SAE1: variants seen among roughly 807,000 people sequenced by gnomAD.
SAE1 encodes SUMO1 activating enzyme subunit 1, also known as SUMO-activating enzyme subunit 1.
SAE1 carries 11 observed loss-of-function variants against 40.6 expected under a neutral mutation model. The ratio of observed to expected loss-of-function variants is 0.27; its 90% CI spans 0.17 to 0.45. SAE1 has a LOEUF of 0.45. SAE1 is among the 20% of genes least tolerant of loss of function. The probability of loss-of-function intolerance (pLI) is 1.00; values close to 1 mark genes in which losing one functional copy is unlikely to be tolerated. For synonymous variants in SAE1, 155 were observed against 154.3 expected, an observed-to-expected ratio of 1.00 and a Z score of -0.03; for missense variants, 373 against 427.3, an observed-to-expected ratio of 0.87 and a Z score of 1.12.
intron 3 of SAE1, 93 bp from the exon 4 acceptor site, chr19:47,152,805 C>T (rs1262444184): frequency 2.4e-6 from 3 of 1,268,200 alleles, no homozygotes; most frequent in African/African-American, 3.0e-5. Flanking sequence ...TGAGCATGCC[C>T]AGAGAGACTG....
chr19:47,179,211 A>G (rs1392332708), intron 6 of SAE1, among the ~76,000 whole-genome samples: 1 of 150,550 alleles, frequency 6.6e-6, no homozygotes, highest in African/African-American at 2.4e-5. Flanking sequence ...AAAAAAAAGA[A>G]AGAAAAATCT....
chr19:47,174,759 G>A (rs1355796309), intron 6 of SAE1, among the ~76,000 whole-genome samples: 2 of 151,876 alleles, frequency 1.3e-5, no homozygotes, highest in Non-Finnish European at 2.9e-5. Flanking sequence ...ATTTTTAGTA[G>A]AGACGGGGTT....
At chr19:47,161,395 G>A (rs76568906) in intron 5 of SAE1, among the ~76,000 whole-genome samples, 2,524 of 152,030 alleles carry the variant, frequency 0.017, 57 homozygotes, top group African/African-American at 0.058. Flanking sequence ...AACACTATCC[G>A]CCTTAAAAAC....
intron 5 of SAE1, among the ~76,000 whole-genome samples, chr19:47,158,966 C>CT (rs953561896): frequency 1.3e-5 from 2 of 152,124 alleles, no homozygotes; most frequent in African/African-American, 4.8e-5. Context: ...TCTGGAAAAC[C>CT]TTTAGGATAA....
At chr19:47,158,170 G>A (rs2058335531) in intron 5 of SAE1, among the ~76,000 whole-genome samples, 1 of 152,088 alleles carries the variant, frequency 6.6e-6, no homozygotes, top group South Asian at 2.1e-4. Flanking sequence ...GCTTTCCCTA[G>A]GTTTAACCAA....
intron 1 of SAE1, among the ~76,000 whole-genome samples, chr19:47,139,695 TCTC>T (rs984308419): frequency 4.0e-5 from 6 of 149,662 alleles, no homozygotes; most frequent in Non-Finnish European, 8.9e-5. Context: ...TTCACACCAT[TCTC>T]CTGTCTCAGC....
chr19:47,199,942 T>C (rs190154902), intron 7 of SAE1, among the ~76,000 whole-genome samples: 106 of 152,042 alleles, frequency 7.0e-4, no homozygotes, highest in South Asian at 3.7e-3. Context: ...GGCTTTTTTT[T>C]TTTTTGGAGA....
At chr19:47,191,871 C>T (rs1347320702) in intron 6 of SAE1, among the ~76,000 whole-genome samples, 7 of 151,854 alleles carry the variant, frequency 4.6e-5, no homozygotes, top group South Asian at 2.1e-4. Flanking sequence ...CTGGCTAACA[C>T]GGTGAAACCC....
At chr19:47,147,594 A>T (rs1362820833) in intron 2 of SAE1, among the ~76,000 whole-genome samples, 2 of 151,146 alleles carry the variant, frequency 1.3e-5, no homozygotes, top group African/African-American at 4.9e-5. Context: ...CTAGGATTAC[A>T]GGCGTGTGCC....
At chr19:47,163,251 CAA>C (rs78034057) in intron 5 of SAE1, among the ~76,000 whole-genome samples, 9 of 111,088 alleles carry the variant, frequency 8.1e-5, no homozygotes, top group Admixed American at 3.8e-4. Context: ...GGAGTACATC[CAA>C]AAAAAAAAAA....
rs746205387 is a variant in SAE1 at position 47,155,109 on chromosome 19, T to C, written c.528-5T>C. The C allele has an allele frequency of 6.3e-7, 1 of 1,580,078 alleles. No individual in the cohort carries two copies. The highest frequency in any genetic ancestry group is 1.1e-5 in the South Asian group (1 of 90,332). ...ATTACATTCTCTCCCCTTGTCACCC[T>C]CTAGGGAGAAAACTAAAGTTGCCAA... is the stretch of plus-strand genomic sequence containing the variant. On this transcript the variant is annotated splice_polypyrimidine_tract_variant and splice_region_variant and intron_variant, in intron 4 of 8. Transcript: ENST00000270225.
intron 7 of SAE1, among the ~76,000 whole-genome samples, chr19:47,198,601 C>T (rs952830074): frequency 2.0e-5 from 3 of 152,268 alleles, no homozygotes; most frequent in South Asian, 2.1e-4. Context: ...AGATCCCACC[C>T]CAGGTATCAT....
At chr19:47,140,409 G>A (rs1179979141) in intron 1 of SAE1, among the ~76,000 whole-genome samples, 1 of 151,766 alleles carries the variant, frequency 6.6e-6, no homozygotes, top group African/African-American at 2.4e-5. Context: ...CCCAGCCCAC[G>A]CCCGGCTAAT....
rs977506901 is a variant in SAE1, at chr19:47,207,123, AG to A, written c.949-2035del. ...CATGAGGAGACCTCATCTCTACAAA[AG>A]TCCCAGCTACTCAAGAGGGTATGGG... On this transcript the variant is annotated intron_variant, in intron 8 of 8. Transcript: ENST00000270225. Among the ~76,000 whole-genome samples, 323 of 152,306 alleles carry A rather than the reference AG, an allele frequency of 2.1e-3. 1 individual carries two copies. Among genetic ancestry groups the A allele is most frequent in the African/African-American group, 7.2e-3 (301 of 41,572 alleles).
At chr19:47,135,930 A>C (rs753989192) in intron 1 of SAE1, among the ~76,000 whole-genome samples, 2 of 151,740 alleles carry the variant, frequency 1.3e-5, no homozygotes, top group African/African-American at 2.4e-5. Context: ...CAGCCTCCCT[A>C]GTAGCTGGGA....
intron 6 of SAE1, among the ~76,000 whole-genome samples, chr19:47,188,290 G>A (rs1166935916): frequency 6.6e-6 from 1 of 151,862 alleles, no homozygotes; most frequent in Non-Finnish European, 1.5e-5. Flanking sequence ...GGTCCAGGCA[G>A]CAATGAGCTG....
chr19:47,182,374 T>A (rs1389202526), intron 6 of SAE1, among the ~76,000 whole-genome samples: 2 of 152,038 alleles, frequency 1.3e-5, no homozygotes, highest in Non-Finnish European at 2.9e-5. Context: ...TGGGTTCCGA[T>A]AATGGGGCAG....
At chr19:47,163,499 G>T (rs964113316) in intron 5 of SAE1, among the ~76,000 whole-genome samples, 1 of 152,040 alleles carries the variant, frequency 6.6e-6, no homozygotes, top group Admixed American at 6.6e-5. Context: ...AGGCCAAGGC[G>T]GGTGGATCAC....
intron 6 of SAE1, among the ~76,000 whole-genome samples, chr19:47,177,954 A>G (rs2058480834): frequency 6.6e-6 from 1 of 152,152 alleles, no homozygotes; most frequent in Non-Finnish European, 1.5e-5. Context: ...ATAGAATATC[A>G]GAATCTGGCC....
Sources: allele counts gnomAD v4.1 joint callset (sites outside exome capture counted in the v4.1 genomes callset), GRCh38; gene constraint gnomAD v4.1.1; transcripts MANE v1.5; gene names NCBI Gene and HGNC (gene_info 2026-07-23, HGNC 2026-07-21).